Variants in LAMP1 observed in about 807,000 individuals in gnomAD.
The protein encoded by LAMP1 is lysosome associated membrane protein 1.
Under a neutral mutation model 37.5 loss-of-function variants are expected in LAMP1, and 7 were observed. The ratio of observed to expected loss-of-function variants is 0.19; its 90% confidence interval spans 0.11 to 0.35. The LOEUF is 0.35. Among genes scored for constraint, LAMP1 ranks in the 10% least tolerant of loss-of-function variants. The pLI is 1.00. For missense variants in LAMP1, 537 were observed against 552.8 expected (o/e 0.97, Z 0.29); for synonymous variants, 236 against 229.1 (o/e 1.03, Z -0.27).
chr13:113,311,508 C>A (rs2042630901), intron 4 of LAMP1, among the ~76,000 whole-genome samples: 2 of 152,180 alleles, frequency 1.3e-5, no homozygotes, highest in Non-Finnish European at 1.5e-5. Context: ...CAGTTTGAGC[C>A]AGTTGCCTTC....
intron 1 of LAMP1, among the ~76,000 whole-genome samples, chr13:113,301,636 AAAAAAAAAAT>A (rs2042572159): frequency 4.0e-5 from 1 of 24,772 alleles, no homozygotes; most frequent in African/African-American, 1.1e-4. Context: ...TTAAAAAAAA[AAAAAAAAAAT>A]ATATATATAT....
chr13:113,307,077 G>T (rs964940904), intron 2 of LAMP1, among the ~76,000 whole-genome samples: 4 of 151,708 alleles, frequency 2.6e-5, no homozygotes, highest in Non-Finnish European at 5.9e-5. Flanking sequence ...CTGACCTCGT[G>T]ATCCACCCGC....
rs1595464353 is a variant in LAMP1, at chr13:113,320,236, T to C, written c.751-109T>C. The C allele has an allele frequency of 2.3e-6, 3 of 1,318,468 alleles. No individual in the cohort carries two copies. In the East Asian group the frequency reaches 7.0e-5, roughly 31 times the overall value. The allele number at this position is 1,318,468 out of a possible 1,614,324, so 81.7% of individuals were successfully genotyped here. On this transcript the variant is annotated intron_variant, in intron 5 of 8. Transcript: ENST00000332556. This position sits in a 1 kb window ranked among gnomAD's most constrained non-coding sequence, Gnocchi z 4.4. ...GTCTTTCAGTGTTTTCCTTCTGGTT[T>C]TGGTTAAAACAAATGTGGCCTTGAA... is the stretch of plus-strand genomic sequence containing the variant.
At chr13:113,311,215 A>G (rs1453865146) in intron 4 of LAMP1, among the ~76,000 whole-genome samples, 3 of 152,172 alleles carry the variant, frequency 2.0e-5, no homozygotes, top group African/African-American at 7.2e-5. Context: ...GTTGGTCAGA[A>G]GATAGAGCGT....
At position 113,297,406 on chromosome 13, in the gene LAMP1, C is replaced by G. The variant is rs1431615689; in HGVS notation, c.-29C>G. On this transcript the variant is annotated 5_prime_UTR_variant, in exon 1 of 9. Coordinates refer to ENST00000332556, the MANE Select transcript of LAMP1 (RefSeq NM_005561.4). This position sits in a 1 kb window ranked among gnomAD's most constrained non-coding sequence, Gnocchi z 4.4. ...CCCAACCGCCGCCCGCGCCCCCGCT[C>G]CCCGCACCGTACCCGGCCGCCTCGC... 5 of 732,858 alleles carry G rather than the reference C, an allele frequency of 6.8e-6. No homozygotes were observed. Among genetic ancestry groups the G allele is most frequent in the Non-Finnish European group, 9.4e-6 (5 of 533,898 alleles). The allele number at this position is 732,858 out of a possible 1,614,324, so 45.4% of individuals were successfully genotyped here. A position where few individuals can be genotyped will look rare whatever the true frequency, so the allele number is the denominator to read the frequency against.
chr13:113,300,486 CAAAAA>C (rs781688099), intron 1 of LAMP1, among the ~76,000 whole-genome samples: 2 of 60,246 alleles, frequency 3.3e-5, no homozygotes, highest in Admixed American at 2.0e-4. Flanking sequence ...AACTCAATGT[CAAAAA>C]AAAAAAAAAA....
At chr13:113,316,102 C>G (rs180685200) in intron 4 of LAMP1, among the ~76,000 whole-genome samples, 2 of 151,926 alleles carry the variant, frequency 1.3e-5, no homozygotes, top group East Asian at 3.9e-4. Flanking sequence ...GATTCCATCT[C>G]AAAAACAAAA....
intron 3 of LAMP1, among the ~76,000 whole-genome samples, chr13:113,310,222 G>A (rs374550208): frequency 6.7e-6 from 1 of 149,026 alleles, no homozygotes; most frequent in Non-Finnish European, 1.5e-5. Flanking sequence ...AAGTGAGACT[G>A]TCTCTAAAAA....
intron 8 of LAMP1, 195 bp from the exon 9 acceptor site, chr13:113,322,087 G>GGAA: frequency 9.6e-6 from 6 of 626,206 alleles, no homozygotes; most frequent in Non-Finnish European, 1.6e-5. Context: ...GGAGAGACGT[G>GGAA]TGTGGTTTCC....
At chr13:113,306,353 CA>C (rs11423377) in intron 1 of LAMP1, 131 bp from the exon 2 acceptor site, 7,396 of 732,446 alleles carry the variant, frequency 0.01, no homozygotes, top group East Asian at 0.015. Flanking sequence ...GACTCCGTCT[CA>C]AAAAAAAAAA....
chr13:113,299,568 A>ATTTTT (rs373040979), intron 1 of LAMP1, among the ~76,000 whole-genome samples: 2 of 128,762 alleles, frequency 1.6e-5, no homozygotes, highest in Admixed American at 8.1e-5. Context: ...TGGCCCAAGA[A>ATTTTT]TTTTTTTTTT....
intron 4 of LAMP1, among the ~76,000 whole-genome samples, chr13:113,314,894 T>C (rs1595461774): frequency 3.1e-4 from 34 of 111,084 alleles, no homozygotes; most frequent in East Asian, 1.1e-3. Flanking sequence ...CGTGGCCTCC[T>C]AGAGGGAGTC....
In LAMP1 at chr13:113,320,588, G is replaced by A. The variant is rs895222669; in HGVS notation, c.876+118G>A. On this transcript the variant is annotated intron_variant, in intron 6 of 8. Coordinates refer to ENST00000332556, the MANE Select transcript of LAMP1 (RefSeq NM_005561.4). The surrounding 1 kb of genome is among the most constrained non-coding windows in gnomAD (Gnocchi z 4.4). ...GAAGGAGGCGGCCTCACTTTTTTCT[G>A]CCTTCCCTTTATCCTGGGCTTTTTA... 3 of 1,083,226 alleles carry A rather than the reference G, an allele frequency of 2.8e-6. No homozygotes were observed. The highest frequency in any genetic ancestry group is 3.9e-6 in the Non-Finnish European group (3 of 765,394). The allele number at this position is 1,083,226 out of a possible 1,614,324, so 67.1% of individuals were successfully genotyped here.
At chr13:113,313,473 A>G (rs2042642150) in intron 4 of LAMP1, among the ~76,000 whole-genome samples, 1 of 152,250 alleles carries the variant, frequency 6.6e-6, no homozygotes, top group African/African-American at 2.4e-5. Context: ...AAAAGGCCCG[A>G]CAGCCCAGCC....
At chr13:113,306,734 C>T (rs560594648) in intron 2 of LAMP1, 128 bp downstream of exon 2, 43 of 1,016,276 alleles carry the variant, frequency 4.2e-5, no homozygotes, top group Non-Finnish European at 5.9e-5. Flanking sequence ...ATATCTCCTT[C>T]TGGTGTTGTC....
chr13:113,319,439 G>C lies in LAMP1; in HGVS notation c.563-30G>C, dbSNP rs752777462. On this transcript the variant is annotated intron_variant, in intron 4 of 8. Transcript: ENST00000332556. ...ACTGCTGATGGTTATGAGAAACCCA[G>C]ACCTGAATCTCCCTCCACTGCACCT... 3.2e-6 allele frequency: 5 copies of C among 1,567,766 alleles called. No individual in the cohort carries two copies. In the South Asian group the frequency reaches 4.7e-5, roughly 15 times the overall value.
intron 1 of LAMP1, among the ~76,000 whole-genome samples, chr13:113,300,219 G>A (rs951177495): frequency 1.2e-4 from 18 of 152,308 alleles, no homozygotes; most frequent in African/African-American, 4.1e-4. Context: ...AGTGGTTCAC[G>A]CCTGTAATCT....
intron 2 of LAMP1, among the ~76,000 whole-genome samples, chr13:113,309,010 T>C (rs935014797): frequency 6.6e-6 from 1 of 152,246 alleles, no homozygotes; most frequent in African/African-American, 2.4e-5. Context: ...TTCTCAAATA[T>C]ATATCTCACC....
Position 113,306,834 on chromosome 13 carries a change from C to CTTTTTTTTTTTTTTTTTTTTTTT in LAMP1, c.183+229_183+251dup, listed in dbSNP as rs780041684. On this transcript the variant is annotated intron_variant, in intron 2 of 8. Coordinates refer to ENST00000332556, the MANE Select transcript of LAMP1 (RefSeq NM_005561.4). ...CTCACTGTTCATCATGAACATTTTC[C>CTTTTTTTTTTTTTTTTTTTTTTT]TTTTTTTTTTTTTTTTTTTTTTTGA... Among the ~76,000 whole-genome samples the CTTTTTTTTTTTTTTTTTTTTTTT allele has an allele frequency of 3.7e-5, 3 of 80,160 alleles. 1 individual carries two copies. Among genetic ancestry groups the CTTTTTTTTTTTTTTTTTTTTTTT allele is most frequent in the Non-Finnish European group, 6.5e-5 (3 of 46,138 alleles). 52.6% of individuals were successfully genotyped at this position (80,160 alleles called of 152,430 possible).
Sources: gnomAD v4.1 joint callset for allele counts (sites outside exome capture counted in the v4.1 genomes callset) on GRCh38, gnomAD v4.1.1 for gene constraint, Gnocchi (gnomAD v3.1) non-coding constraint, MANE v1.5 for transcripts, NCBI Gene and HGNC (gene_info 2026-07-23, HGNC 2026-07-21) for gene names.